The following LTBP1 variants were observed in gnomAD, a reference collection of about 807,000 sequenced individuals.
LTBP1 encodes the protein latent transforming growth factor beta binding protein 1.
Under a neutral mutation model 207.6 loss-of-function variants are expected in LTBP1, and 129 were observed. The ratio of observed to expected loss-of-function variants is 0.62; its 90% confidence interval spans 0.54 to 0.72. The LOEUF (loss-of-function observed/expected upper bound fraction) is 0.72. LTBP1 is among the 30% of genes least tolerant of loss of function. The pLI is 0.00. For missense variants in LTBP1, 2,281 were observed against 2,217.2 expected, an observed-to-expected ratio of 1.03 and a Z score of -0.58; for synonymous variants, 963 against 833.7, an observed-to-expected ratio of 1.16 and a Z score of -2.67.
intron 23 of LTBP1, among the ~76,000 whole-genome samples, chr2:33,314,104 G>A (rs566076790): frequency 2.0e-5 from 3 of 152,146 alleles, no homozygotes; most frequent in East Asian, 1.9e-4. Context: ...GCATAAAGTC[G>A]ACAACACAAG....
At chr2:33,213,065 G>A (rs773356515) in intron 7 of LTBP1, among the ~76,000 whole-genome samples, 1 of 152,032 alleles carries the variant, frequency 6.6e-6, no homozygotes, top group Non-Finnish European at 1.5e-5. Flanking sequence ...TACAGGACCT[G>A]GTTGCCAGAA....
At chr2:33,267,235 A>G (rs1479478082) in intron 15 of LTBP1, among the ~76,000 whole-genome samples, 1 of 152,110 alleles carries the variant, frequency 6.6e-6, no homozygotes, top group East Asian at 1.9e-4. Context: ...GCTTGCTCAC[A>G]CACCCCTCAC....
rs199606869 is a variant in LTBP1, at chr2:33,301,496, G to A, written c.3359-26G>A. 4 of 1,553,530 alleles carry A rather than the reference G, an allele frequency of 2.6e-6. No individual in the cohort carries two copies. In the South Asian group the frequency reaches 4.9e-5, roughly 19 times the overall value. On this transcript the variant is annotated intron_variant, in intron 21 of 33. Coordinates refer to ENST00000404816, the MANE Select transcript of LTBP1 (RefSeq NM_206943.4). ...ATGTTTTTGAAGCACCACTTCCACA[G>A]TTTCTTTGTATTCTCTTGCTCATAG...
intron 2 of LTBP1, among the ~76,000 whole-genome samples, chr2:32,993,217 T>C (rs759389010): frequency 6.6e-6 from 1 of 151,952 alleles, no homozygotes; most frequent in South Asian, 2.1e-4. Flanking sequence ...ATGTAGAGCC[T>C]GCACTTTGGC....
intron 2 of LTBP1, among the ~76,000 whole-genome samples, chr2:32,985,380 C>T (rs578254062): frequency 2.0e-5 from 3 of 152,260 alleles, no homozygotes; most frequent in African/African-American, 4.8e-5. Flanking sequence ...TCCATTTTAT[C>T]GATGAGGAAA....
chr2:33,088,439 G>A (rs114199417), intron 3 of LTBP1, among the ~76,000 whole-genome samples: 3,480 of 151,956 alleles, frequency 0.023, 63 homozygotes, highest in African/African-American at 0.05. Context: ...GCGACAGGGC[G>A]AGACTCCATC....
At chr2:33,312,236 A>T (rs1277992150) in intron 23 of LTBP1, among the ~76,000 whole-genome samples, 2 of 152,204 alleles carry the variant, frequency 1.3e-5, no homozygotes, top group Non-Finnish European at 2.9e-5. Flanking sequence ...AATTGATGGC[A>T]ATGCTAATAA....
At chr2:33,254,872 T>TTTTTTTTTTTTG (rs2092802311) in intron 11 of LTBP1, among the ~76,000 whole-genome samples, 1 of 123,294 alleles carries the variant, frequency 8.1e-6, no homozygotes, top group Non-Finnish European at 1.7e-5. Flanking sequence ...TTTTTTTTTT[T>TTTTTTTTTTTTG]TTTTTTTTTT....
chr2:33,343,506 A>C (rs915659749), intron 25 of LTBP1, among the ~76,000 whole-genome samples: 2 of 152,224 alleles, frequency 1.3e-5, no homozygotes, highest in African/African-American at 4.8e-5. Context: ...TTTTAACAAG[A>C]ACATCTGTTT....
intron 23 of LTBP1, among the ~76,000 whole-genome samples, chr2:33,312,285 AAC>A (rs1370850913): frequency 1.3e-5 from 2 of 152,236 alleles, no homozygotes; most frequent in Admixed American, 1.3e-4. Flanking sequence ...GATAGGCATA[AAC>A]TTTAAACCTT....
chr2:33,056,375 C>A, intron 3 of LTBP1: 1 of 1,254,952 alleles, frequency 8.0e-7, no homozygotes, highest in Non-Finnish European at 1.0e-6. Flanking sequence ...TCTTTGGTAA[C>A]AGAATGGCCT....
chr2:33,111,542 G>T (rs1464202637), intron 4 of LTBP1, among the ~76,000 whole-genome samples: 1 of 152,288 alleles, frequency 6.6e-6, no homozygotes, highest in African/African-American at 2.4e-5. Context: ...TTTCACCACT[G>T]GGAATAGTAT....
At chr2:33,398,318 G>A (rs767870205) in intron 33 of LTBP1, 46 bp from the exon 34 acceptor site, 8 of 1,575,044 alleles carry the variant, frequency 5.1e-6, no homozygotes, top group Non-Finnish European at 6.9e-6. Context: ...TGTCCTCACA[G>A]AATAATATCC....
chr2:33,067,762 T>G (rs1460745637), intron 3 of LTBP1, among the ~76,000 whole-genome samples: 1 of 152,112 alleles, frequency 6.6e-6, no homozygotes, highest in Non-Finnish European at 1.5e-5. Context: ...ATATCCACAG[T>G]TTTTGGAATC....
intron 5 of LTBP1, among the ~76,000 whole-genome samples, chr2:33,157,869 C>T (rs76580512): frequency 0.015 from 2,329 of 152,146 alleles, 23 homozygotes; most frequent in East Asian, 0.027. Flanking sequence ...AGGCCACATG[C>T]GGTGGTTCAT....
intron 5 of LTBP1, among the ~76,000 whole-genome samples, chr2:33,182,699 T>C (rs11677785): frequency 0.039 from 3,094 of 78,776 alleles, 384 homozygotes; most frequent in Non-Finnish European, 0.047. Context: ...TATATATATA[T>C]ACACACACAC....
chr2:33,304,211 G>A (rs1410278109), intron 22 of LTBP1, among the ~76,000 whole-genome samples: 1 of 152,136 alleles, frequency 6.6e-6, no homozygotes, highest in Non-Finnish European at 1.5e-5. Context: ...AGTTTCTCTA[G>A]TGTACTGGGT....
At chr2:33,149,254 A>AAG (rs869171637) in intron 5 of LTBP1, among the ~76,000 whole-genome samples, 3 of 150,022 alleles carry the variant, frequency 2.0e-5, no homozygotes, top group Non-Finnish European at 4.4e-5. Context: ...AAAAAAAAAA[A>AAG]AGAGAGGGAG....
Position 33,398,652 on chromosome 2 carries a change from C to T in LTBP1, c.*107C>T, listed in dbSNP as rs879840057. Reference sequence around the variant, plus strand: ...CACCTACCCCGGAAGGCTGGAAATACAGAAACAGCATGGAATTGCAAGTCC... The same window carrying T: ...CACCTACCCCGGAAGGCTGGAAATATAGAAACAGCATGGAATTGCAAGTCC... On this transcript the variant is annotated 3_prime_UTR_variant, in exon 34 of 34. Transcript: ENST00000404816. 1.1e-5 allele frequency: 12 copies of T among 1,136,672 alleles called. No homozygotes were observed. Among genetic ancestry groups the T allele is most frequent in the African/African-American group, 1.6e-5 (1 of 63,668 alleles). The allele number at this position is 1,136,672 out of a possible 1,614,324, so 70.4% of individuals were successfully genotyped here. A position where few individuals can be genotyped will look rare whatever the true frequency, so the allele number is the denominator to read the frequency against.
Sources: gnomAD v4.1 joint callset for allele counts (sites outside exome capture counted in the v4.1 genomes callset) on GRCh38, gnomAD v4.1.1 for gene constraint, MANE v1.5 for transcripts, NCBI Gene and HGNC (gene_info 2026-07-23, HGNC 2026-07-21) for gene names.